Variants in IL9 observed in about 807,000 individuals in gnomAD.
IL9 encodes the protein interleukin 9.
IL9 carries 16 observed loss-of-function variants against 12.9 expected under a neutral mutation model. The ratio of observed to expected loss-of-function variants is 1.24; its 90% confidence interval spans 0.84 to 1.88. IL9 has a LOEUF of 1.88. Ranked by LOEUF, IL9 falls within the 40% of genes most tolerant of loss-of-function variation. IL9 has a pLI of 0.00. For synonymous variants in IL9, 69 were observed against 63.8 expected (o/e 1.08, Z -0.39); for missense variants, 170 against 173.1 (o/e 0.98, Z 0.10).
At position 135,895,724 on chromosome 5, in the gene IL9, G is replaced by A. The variant is rs1223666136; in HGVS notation, c.93C>T (p.Asn31=). The A allele has an allele frequency of 6.2e-7, 1 of 1,613,758 alleles. No individual in the cohort carries two copies. The highest frequency in any genetic ancestry group is 2.2e-5 in the East Asian group (1 of 44,886). Residue 31 remains asparagine, a synonymous_variant, in exon 1 of 5, where the codon AAC becomes AAT. Coordinates refer to ENST00000274520, the MANE Select transcript of IL9 (RefSeq NM_000590.2). ...CPTLAGILDI[N]FLINKMQEDP... Reference sequence around the variant, plus strand: ...CTACCTGCATCTTGTTGATGAGGAAGTTGATGTCCAGGATCCCCGCCAAGG... The same window carrying A: ...CTACCTGCATCTTGTTGATGAGGAAATTGATGTCCAGGATCCCCGCCAAGG...
rs1561571454 is a variant in IL9 at position 135,895,479 on chromosome 5, G to A, written c.151-7C>T. On this transcript the variant is annotated splice_polypyrimidine_tract_variant and splice_region_variant and intron_variant, in intron 2 of 4. Transcript: ENST00000274520. ...AACAGAGACAACTGGTCACCTGCAA[G>A]GGAAATTTCAGAGTGAAGATTCCAG... 2.5e-6 allele frequency: 4 copies of A among 1,613,884 alleles called. No homozygotes were observed. The highest frequency in any genetic ancestry group is 3.4e-6 in the Non-Finnish European group (4 of 1,179,822).
At chr5:135,895,385 TAAAAA>T in intron 3 of IL9, 50 bp downstream of exon 3, 1 of 1,486,940 alleles carries the variant, frequency 6.7e-7, no homozygotes, top group South Asian at 1.2e-5. Context: ...TATTTTTACT[TAAAAA>T]CAAACCAAAA....
At chr5:135,894,990 A>G (rs1762921579) in intron 3 of IL9, among the ~76,000 whole-genome samples, 1 of 152,186 alleles carries the variant, frequency 6.6e-6, no homozygotes, top group African/African-American at 2.4e-5. Context: ...TAGCGCATAG[A>G]TCATTCATGA....
At chr5:135,895,377 T>G (rs1055168966) in intron 3 of IL9, 63 bp downstream of exon 3, 18 of 1,366,584 alleles carry the variant, frequency 1.3e-5, no homozygotes, top group Non-Finnish European at 1.7e-5. Flanking sequence ...AAGCAACTTA[T>G]TTTTACTTAA....
At chr5:135,893,611 CCAAAA>C (rs1001536097) in intron 4 of IL9, among the ~76,000 whole-genome samples, 1 of 152,034 alleles carries the variant, frequency 6.6e-6, no homozygotes, top group African/African-American at 2.4e-5. Flanking sequence ...GACTCTGTCT[CCAAAA>C]CAAAACAAAA....
At chr5:135,895,352 A>T (rs563683408) in intron 3 of IL9, 88 bp downstream of exon 3, 1 of 1,061,262 alleles carries the variant, frequency 9.4e-7, no homozygotes, top group Non-Finnish European at 1.4e-6. Context: ...AATGTATAAC[A>T]TTAAATATTA....
At chr5:135,894,793 C>T (rs1225063717) in intron 3 of IL9, among the ~76,000 whole-genome samples, 1 of 152,196 alleles carries the variant, frequency 6.6e-6, no homozygotes, top group African/African-American at 2.4e-5. Context: ...AATTAGGAAT[C>T]AGAACTTTCC....
chr5:135,895,638 T>C, intron 1 of IL9, 48 bp from the exon 2 acceptor site: 1 of 1,610,966 alleles, frequency 6.2e-7, no homozygotes, highest in East Asian at 2.2e-5. Context: ...CCGAGTTTTT[T>C]CATCCTCATA....
intron 4 of IL9, among the ~76,000 whole-genome samples, chr5:135,893,574 T>C (rs1309231676): frequency 1.3e-5 from 2 of 152,100 alleles, no homozygotes; most frequent in Non-Finnish European, 2.9e-5. Context: ...ATGGCACCAC[T>C]GCACTCCAGC....
chr5:135,893,505 G>A (rs757050879), intron 4 of IL9, among the ~76,000 whole-genome samples: 3 of 152,048 alleles, frequency 2.0e-5, no homozygotes, highest in Non-Finnish European at 2.9e-5. Flanking sequence ...CCAGCTACTC[G>A]GGAGGCTGAG....
intron 3 of IL9, among the ~76,000 whole-genome samples, chr5:135,894,650 C>A (rs991090478): frequency 6.6e-6 from 1 of 152,182 alleles, no homozygotes; most frequent in South Asian, 2.1e-4. Flanking sequence ...GGATGGACCG[C>A]GATGGGTGCG....
chr5:135,893,896 G>A lies in IL9; in HGVS notation c.315+124C>T, dbSNP rs571476999. 62 of 699,558 alleles carry A rather than the reference G, an allele frequency of 8.9e-5. No homozygotes were observed. The African/African-American group carries it at 1.0e-3, about 11-fold the overall frequency. 43.3% of individuals were successfully genotyped at this position (699,558 alleles called of 1,614,324 possible). A position where few individuals can be genotyped will look rare whatever the true frequency, so the allele number is the denominator to read the frequency against. On this transcript the variant is annotated intron_variant, in intron 4 of 4. Coordinates refer to ENST00000274520, the MANE Select transcript of IL9 (RefSeq NM_000590.2). ...TTACTTCTGATTAAAATTCTTAGAT[G>A]TCTTTTATCAACCTTGAACTACCAA...
Position 135,892,599 on chromosome 5 carries a change from C to T in IL9, c.316-89G>A, listed in dbSNP as rs534334587. ...AAGCCTACCTGCCAAGAGCCAGAGT[C>T]GGTGGTGAGGATTGTGGGGATGGGA... On this transcript the variant is annotated intron_variant, in intron 4 of 4. Coordinates refer to ENST00000274520, the MANE Select transcript of IL9 (RefSeq NM_000590.2). 24 of 1,433,910 alleles carry T rather than the reference C, an allele frequency of 1.7e-5. No individual in the cohort carries two copies. The East Asian group carries it at 2.8e-4, about 17-fold the overall frequency. 88.8% of individuals were successfully genotyped at this position (1,433,910 alleles called of 1,614,324 possible). A position where few individuals can be genotyped will look rare whatever the true frequency, so the allele number is the denominator to read the frequency against.
In IL9 at chr5:135,892,511, C is replaced by G; in HGVS notation, c.316-1G>C. On this transcript the variant is annotated splice_acceptor_variant, in intron 4 of 4. Transcript: ENST00000274520. LOFTEE classifies it high-confidence loss of function. ...TGCATGGCTGTTCACAGGAAAAATA[C>G]TGTGGGGATGAAAGTTGATAAGGAC... 6.2e-7 allele frequency: 1 copy of G among 1,611,024 alleles called. No homozygotes were observed. Among genetic ancestry groups the G allele is most frequent in the Non-Finnish European group, 8.5e-7 (1 of 1,179,112 alleles).
rs778676434 is a variant in IL9 at position 135,894,145 on chromosome 5, A to C, written c.190T>G (p.Cys64Gly). The C allele has an allele frequency of 9.9e-6, 16 of 1,612,124 alleles. No homozygotes were observed. Among genetic ancestry groups the C allele is most frequent in the South Asian group, 6.6e-5 (6 of 90,456 alleles). Residue 64 changes from cysteine to glycine, a missense_variant, in exon 4 of 5, where the codon TGC becomes GGC. By Grantham distance (159) the Cys-to-Gly change is radical. Transcript: ENST00000274520. ...CLCLGIPSDNCTRPCFSERLS... is the reference protein window; with the variant it reads ...CLCLGIPSDNGTRPCFSERLS... ...CTCTCACTGAAGCATGGTCTGGTGCAGTTGTCCTGGTAAATAGTAAGGATT... is the reference window on the plus strand; with the variant it reads ...CTCTCACTGAAGCATGGTCTGGTGCCGTTGTCCTGGTAAATAGTAAGGATT...
chr5:135,895,759 C>T lies in IL9; in HGVS notation c.58G>A (p.Gly20Arg), dbSNP rs775274460. 6.2e-7 allele frequency: 1 copy of T among 1,614,128 alleles called. No individual in the cohort carries two copies. Among genetic ancestry groups the T allele is most frequent in the Non-Finnish European group, 8.5e-7 (1 of 1,180,010 alleles). The change falls in exon 1 of 5, where the codon GGG (glycine) becomes AGG (arginine). Residue 20 changes from glycine to arginine, a missense_variant. By Grantham distance (125) the Gly-to-Arg change is moderately radical (BLOSUM62 -2). Coordinates refer to ENST00000274520, the MANE Select transcript of IL9 (RefSeq NM_000590.2). ...ALLLCSVAGQ[G>R]CPTLAGILDI... is the part of the protein sequence containing the mutation. Reference sequence around the variant, plus strand: ...AGGATCCCCGCCAAGGTTGGACACCCCTGGCCTGCCACGGAGCACAGGAGC... The same window carrying T: ...AGGATCCCCGCCAAGGTTGGACACCTCTGGCCTGCCACGGAGCACAGGAGC...
At chr5:135,893,833 T>C (rs1357297050) in intron 4 of IL9, among the ~76,000 whole-genome samples, 187 bp downstream of exon 4, 1 of 152,220 alleles carries the variant, frequency 6.6e-6, no homozygotes, top group Non-Finnish European at 1.5e-5. Flanking sequence ...CTATCTCACT[T>C]TAATTCTATT....
rs753863759 is a variant in IL9, at chr5:135,895,442, A to T, written c.181T>A (p.Ser61Thr). ...TTATGTTATTTCACTATACTTACAG[A>T]GGGAATGCCCAAACAGAGACAACTG... ...VTSCLCLGIPSDNCTRPCFSE... is the reference protein window; with the variant it reads ...VTSCLCLGIPTDNCTRPCFSE... Residue 61 changes from serine (S) to threonine (T), a missense_variant and splice_region_variant, in exon 3 of 5, where the codon TCT becomes ACT. Coordinates refer to ENST00000274520, the MANE Select transcript of IL9 (RefSeq NM_000590.2). The T allele has an allele frequency of 3.1e-6, 5 of 1,613,054 alleles. No individual in the cohort carries two copies. In the South Asian group the frequency reaches 4.4e-5, roughly 14 times the overall value.
In IL9 at chr5:135,894,049, C is replaced by T. The variant is rs151067523; in HGVS notation, c.286G>A (p.Val96Ile). The T allele has an allele frequency of 1.6e-4, 261 of 1,613,188 alleles. 1 individual carries two copies. The East Asian group carries it at 5.2e-3, about 32-fold the overall frequency. ...PLIFSRVKKS[V>I]EVLKNNKCPY... ...CACTTGTTGTTCTTTAGTACTTCAACTGATTTTTTCACCCGACTGAAAATC... is the reference window on the plus strand; with the variant it reads ...CACTTGTTGTTCTTTAGTACTTCAATTGATTTTTTCACCCGACTGAAAATC... The change falls in exon 4 of 5, where the codon GTT becomes ATT. Residue 96 changes from valine to isoleucine, a missense_variant. Transcript: ENST00000274520.
Sources: allele counts gnomAD v4.1 joint callset (sites outside exome capture counted in the v4.1 genomes callset), GRCh38; gene constraint gnomAD v4.1.1; transcripts MANE v1.5; gene names NCBI Gene and HGNC (gene_info 2026-07-23, HGNC 2026-07-21).